The following MT1X variants were observed in gnomAD, a reference collection of about 807,000 sequenced individuals.
The protein encoded by MT1X is metallothionein 1X.
Under a neutral mutation model 8.6 loss-of-function variants are expected in MT1X, and 7 were observed. The observed-to-expected ratio is 0.81, with a 90% CI of 0.46 to 1.52. The LOEUF is 1.52. Among genes scored for constraint, MT1X ranks in the 40% most tolerant of loss-of-function variants. The probability of loss-of-function intolerance (pLI) is 0.01; values close to 1 mark genes in which losing one functional copy is unlikely to be tolerated. For missense variants in MT1X, 72 were observed against 74.3 expected, an observed-to-expected ratio of 0.97 and a Z score of 0.11; for synonymous variants, 25 against 27.6, an observed-to-expected ratio of 0.91 and a Z score of 0.30.
chr16:56,682,503 C>T lies in MT1X; in HGVS notation c.-38C>T. 6 of 1,613,824 alleles carry T rather than the reference C, an allele frequency of 3.7e-6. No homozygotes were observed. Among genetic ancestry groups the T allele is most frequent in the African/African-American group, 1.3e-5 (1 of 75,050 alleles). ...TTTCATCTGTCCCGCTGCGTGTTTT[C>T]CTCTTGATCGGGAACTCCTGCTTCT... On this transcript the variant is annotated 5_prime_UTR_variant, in exon 1 of 3. Coordinates refer to ENST00000394485, the MANE Select transcript of MT1X (RefSeq NM_005952.4).
rs146637306 is a variant in MT1X, at chr16:56,683,184, C to T, written c.48C>T (p.Ala16=). ...SCSPVGSCAC[A]GSCKCKECKC... ...TTGCAGTTGGCTCCTGTGCCTGTGC[C>T]GGCTCCTGCAAATGCAAAGAGTGCA... The change falls in exon 2 of 3, where the codon GCC becomes GCT. Residue 16 remains alanine, a synonymous_variant. Transcript: ENST00000394485. 181 of 1,613,988 alleles carry T rather than the reference C, an allele frequency of 1.1e-4. No individual in the cohort carries two copies. The East Asian group carries it at 1.8e-3, about 16-fold the overall frequency.
intron 1 of MT1X, 150 bp from the exon 2 acceptor site, chr16:56,683,015 A>T (rs935068205): frequency 1.2e-5 from 11 of 893,046 alleles, no homozygotes; most frequent in Non-Finnish European, 1.9e-5. Flanking sequence ...GGGAGAGGAG[A>T]TGGGGCTTCT....
chr16:56,683,214 C>T lies in MT1X; in HGVS notation c.78C>T (p.Cys26=), dbSNP rs781431677. The change falls in exon 2 of 3, where the codon TGC becomes TGT. Residue 26 remains cysteine (C), a synonymous_variant. Transcript: ENST00000394485. ...CCTGCAAATGCAAAGAGTGCAAATG[C>T]ACCTCCTGCAAGAAGAGTGAGTGCA... The part of the protein sequence containing the change: ...AGSCKCKECK[C]TSCKKSCCSC... 1.9e-6 allele frequency: 3 copies of T among 1,613,990 alleles called. No homozygotes were observed. Among genetic ancestry groups the T allele is most frequent in the South Asian group, 1.1e-5 (1 of 91,088 alleles).
chr16:56,682,973 A>G (rs1168123255), intron 1 of MT1X, 192 bp from the exon 2 acceptor site: 1 of 682,052 alleles, frequency 1.5e-6, no homozygotes, highest in African/African-American at 1.8e-5. Context: ...GTGGGGTAAA[A>G]GCAACAGAAC....
In MT1X at chr16:56,683,100, A is replaced by G. The variant is rs546194804; in HGVS notation, c.29-65A>G. On this transcript the variant is annotated intron_variant, in intron 1 of 2. Coordinates refer to ENST00000394485, the MANE Select transcript of MT1X (RefSeq NM_005952.4). ...ACAGAGGAGGGGTCACTGAAGCGTT[A>G]TTGACCAGCTGCTGTACCTTCTGCA... 5.6e-6 allele frequency: 9 copies of G among 1,593,156 alleles called. No individual in the cohort carries two copies. In the African/African-American group the frequency reaches 6.7e-5, roughly 12 times the overall value.
chr16:56,683,771 G>C, intron 2 of MT1X, 187 bp from the exon 3 acceptor site: 2 of 825,378 alleles, frequency 2.4e-6, no homozygotes, highest in Non-Finnish European at 3.8e-6. Flanking sequence ...ACTCAGGTGG[G>C]GCTGGGCAGC....
chr16:56,684,103 ATTT>A lies in MT1X; in HGVS notation c.*72_*74del, dbSNP rs34700091. On this transcript the variant is annotated 3_prime_UTR_variant, in exon 3 of 3. Transcript: ENST00000394485. ...AATAGAGCAACCTATATAAACCTGG[ATTT>A]TTTTTTTTTTTTTTTTTGTACAACC... 0.015 allele frequency: 18,869 copies of A among 1,251,730 alleles called. 1 individual carries two copies. The highest frequency in any genetic ancestry group is 0.028 in the East Asian group (1,045 of 37,190). 77.5% of individuals were successfully genotyped at this position (1,251,730 alleles called of 1,614,324 possible). A position where few individuals can be genotyped will look rare whatever the true frequency, so the allele number is the denominator to read the frequency against.
chr16:56,683,221 T>C lies in MT1X; in HGVS notation c.85T>C (p.Cys29Arg), dbSNP rs753500045. 1.2e-6 allele frequency: 2 copies of C among 1,613,976 alleles called. No individual in the cohort carries two copies. The highest frequency in any genetic ancestry group is 8.5e-7 in the Non-Finnish European group (1 of 1,179,894). The stretch of plus-strand genomic sequence containing the variant: ...ATGCAAAGAGTGCAAATGCACCTCC[T>C]GCAAGAAGAGTGAGTGCAGGGCCTT... ...CKCKECKCTS[C>R]KKSCCSCCPV... The change falls in exon 2 of 3, where the codon TGC (cysteine) becomes CGC (arginine). Residue 29 changes from cysteine (C) to arginine (R), a missense_variant. Coordinates refer to ENST00000394485, the MANE Select transcript of MT1X (RefSeq NM_005952.4).
chr16:56,683,031 T>C (rs1389318466), intron 1 of MT1X, 134 bp from the exon 2 acceptor site: 2 of 1,069,692 alleles, frequency 1.9e-6, no homozygotes, highest in Admixed American at 2.2e-5. Context: ...CTTCTCTTCC[T>C]CTCCCCTGAG....
chr16:56,682,621 CAG>C, intron 1 of MT1X, 53 bp downstream of exon 1: 1 of 1,606,548 alleles, frequency 6.2e-7, no homozygotes, highest in Non-Finnish European at 8.5e-7. Context: ...AGCCACAGTA[CAG>C]ACTCTTCCTG....
intron 1 of MT1X, 142 bp downstream of exon 1, chr16:56,682,710 G>A: frequency 1.9e-6 from 2 of 1,061,124 alleles, no homozygotes; most frequent in South Asian, 1.4e-5. Context: ...TCCCGATCAC[G>A]TCCCTGAGAC....
At position 56,682,533 on chromosome 16, in the gene MT1X, G is replaced by T; in HGVS notation, c.-8G>T. On this transcript the variant is annotated 5_prime_UTR_variant, in exon 1 of 3. Transcript: ENST00000394485. ...TGATCGGGAACTCCTGCTTCTCCTT[G>T]CCTCGAAATGGACCCCAACTGCTCC... is the stretch of plus-strand genomic sequence containing the variant. 1.2e-6 allele frequency: 2 copies of T among 1,614,194 alleles called. No individual in the cohort carries two copies. The highest frequency in any genetic ancestry group is 8.5e-7 in the Non-Finnish European group (1 of 1,180,024).
chr16:56,683,499 C>G (rs1360526723), intron 2 of MT1X: 2 of 454,106 alleles, frequency 4.4e-6, no homozygotes, highest in East Asian at 4.4e-5. Flanking sequence ...CCTGATGCAG[C>G]CTTCTTCACC....
At chr16:56,683,764 C>A in intron 2 of MT1X, 194 bp from the exon 3 acceptor site, 1 of 764,730 alleles carries the variant, frequency 1.3e-6, no homozygotes, top group Non-Finnish European at 2.1e-6. Flanking sequence ...GTCCCAGACT[C>A]AGGTGGGGCT....
At chr16:56,683,320 C>T (rs1209911550) in intron 2 of MT1X, 90 bp downstream of exon 2, 1 of 1,478,488 alleles carries the variant, frequency 6.8e-7, no homozygotes, top group South Asian at 1.1e-5. Flanking sequence ...AGGCCAATGA[C>T]CAGCTTCCCC....
At position 56,684,155 on chromosome 16, in the gene MT1X, T is replaced by C; in HGVS notation, c.*106T>C. On this transcript the variant is annotated 3_prime_UTR_variant, in exon 3 of 3. Coordinates refer to ENST00000394485, the MANE Select transcript of MT1X (RefSeq NM_005952.4). Reference sequence around the variant, plus strand: ...CCCTGACCCGTTTGCTACATCTTTTTTTCTATGAAATATGTGAATGGCAAT... The same window carrying C: ...CCCTGACCCGTTTGCTACATCTTTTCTTCTATGAAATATGTGAATGGCAAT... The C allele has an allele frequency of 7.4e-7, 1 of 1,358,478 alleles. No individual in the cohort carries two copies. The highest frequency in any genetic ancestry group is 1.4e-5 in the South Asian group (1 of 69,130). The allele number at this position is 1,358,478 out of a possible 1,614,324, so 84.2% of individuals were successfully genotyped here.
At position 56,683,190 on chromosome 16, in the gene MT1X, C is replaced by CTGCAAATGCAAAGAG. The variant is rs1269707628; in HGVS notation, c.65_79dup (p.Lys22_Cys26dup). On this transcript the variant is annotated inframe_insertion, in exon 2 of 3. Transcript: ENST00000394485. ...TTGGCTCCTGTGCCTGTGCCGGCTC[C>CTGCAAATGCAAAGAG]TGCAAATGCAAAGAGTGCAAATGCA... 1 of 1,613,952 alleles carries CTGCAAATGCAAAGAG rather than the reference C, an allele frequency of 6.2e-7. No homozygotes were observed. The highest frequency in any genetic ancestry group is 2.2e-5 in the East Asian group (1 of 44,884).
intron 1 of MT1X, chr16:56,682,776 C>A: frequency 1.6e-6 from 1 of 643,394 alleles, no homozygotes; most frequent in Non-Finnish European, 2.7e-6. Flanking sequence ...AGGCCCAAGG[C>A]TGTCCTGCTC....
Position 56,683,974 on chromosome 16 carries a change from C to A in MT1X, c.111C>A (p.Cys37Ter). ...TSCKKSCCSC[C>*]PVGCAKCAQG... is the part of the protein sequence containing the mutation. ...CTTCTCCAGGCTGCTGCTCCTGCTG[C>A]CCTGTGGGCTGTGCCAAGTGTGCCC... The change falls in exon 3 of 3, where the codon TGC becomes TGA. Residue 37 changes from cysteine to a stop codon, truncating the protein, a stop_gained. Transcript: ENST00000394485. LOFTEE classifies it high-confidence loss of function. 2 of 1,614,150 alleles carry A rather than the reference C, an allele frequency of 1.2e-6. No individual in the cohort carries two copies. Among genetic ancestry groups the A allele is most frequent in the African/African-American group, 1.3e-5 (1 of 75,056 alleles).
Sources: allele counts gnomAD v4.1 joint callset, GRCh38; gene constraint gnomAD v4.1.1; transcripts MANE v1.5; gene names NCBI Gene and HGNC (gene_info 2026-07-23, HGNC 2026-07-21).